NPAS3: variants seen among roughly 807,000 people sequenced by gnomAD.
NPAS3 encodes the protein neuronal PAS domain-containing protein 3.
Under a neutral mutation model 73.1 loss-of-function variants are expected in NPAS3, and 14 were observed. The observed-to-expected ratio is 0.19, with a 90% CI of 0.13 to 0.30. The LOEUF (loss-of-function observed/expected upper bound fraction) is 0.30. NPAS3 is among the 10% of genes least tolerant of loss of function. The pLI is 1.00. For synonymous variants in NPAS3, 620 were observed against 541.5 expected, an observed-to-expected ratio of 1.14 and a Z score of -2.01; for missense variants, 1,096 against 1,250.0, an observed-to-expected ratio of 0.88 and a Z score of 1.86.
chr14:33,431,058 A>G (rs1419065015), intron 4 of NPAS3, among the ~76,000 whole-genome samples: 1 of 152,222 alleles, frequency 6.6e-6, no homozygotes, highest in Admixed American at 6.5e-5. Context: ...GGCATTTAAA[A>G]TGCACGTGGG....
chr14:33,191,912 C>A (rs2046184293), intron 2 of NPAS3, among the ~76,000 whole-genome samples: 1 of 152,194 alleles, frequency 6.6e-6, no homozygotes. Flanking sequence ...GTCCCCAAAT[C>A]AAATCTTGAG....
chr14:33,786,280 C>T (rs2063171398), intron 9 of NPAS3, among the ~76,000 whole-genome samples: 1 of 152,178 alleles, frequency 6.6e-6, no homozygotes, highest in African/African-American at 2.4e-5. Context: ...TTCTAAAAAT[C>T]TACATAACAG....
intron 1 of NPAS3, among the ~76,000 whole-genome samples, chr14:32,981,439 A>G (rs2037893251): frequency 1.3e-5 from 2 of 152,222 alleles, no homozygotes; most frequent in African/African-American, 4.8e-5. Flanking sequence ...CTCTGGAGTA[A>G]AATATGGTAG....
At chr14:33,043,976 A>G (rs1288899865) in intron 1 of NPAS3, among the ~76,000 whole-genome samples, 1 of 152,208 alleles carries the variant, frequency 6.6e-6, no homozygotes, top group Admixed American at 6.5e-5. Flanking sequence ...ATCTGCAAAC[A>G]TGATATATTT....
chr14:33,503,522 A>G (rs978228952), intron 4 of NPAS3, among the ~76,000 whole-genome samples: 3 of 151,930 alleles, frequency 2.0e-5, no homozygotes, highest in Non-Finnish European at 4.4e-5. Flanking sequence ...TGTGCTTTAT[A>G]TAATCCAGTT....
intron 6 of NPAS3, among the ~76,000 whole-genome samples, chr14:33,691,941 A>G (rs2060247517): frequency 6.6e-6 from 1 of 152,210 alleles, no homozygotes. Flanking sequence ...TGCTGATAGG[A>G]AACAAATTCT....
At chr14:33,546,306 G>A (rs982591122) in intron 4 of NPAS3, among the ~76,000 whole-genome samples, 6 of 152,210 alleles carry the variant, frequency 3.9e-5, no homozygotes, top group African/African-American at 1.4e-4. Context: ...GGTGAGAAGA[G>A]TCCTAATATT....
chr14:33,390,204 GAT>G (rs1462917987), intron 4 of NPAS3, among the ~76,000 whole-genome samples: 1 of 152,144 alleles, frequency 6.6e-6, no homozygotes, highest in African/African-American at 2.4e-5. Flanking sequence ...TTTTTCATTT[GAT>G]ATGATTGTAT....
intron 2 of NPAS3, among the ~76,000 whole-genome samples, chr14:33,074,343 A>C (rs532177947): frequency 6.6e-6 from 1 of 152,356 alleles, no homozygotes; most frequent in East Asian, 1.9e-4. Context: ...TTGTTAGTGA[A>C]TGCTGCCTGT....
At chr14:33,278,099 T>G (rs186690625) in intron 3 of NPAS3, among the ~76,000 whole-genome samples, 63 of 152,262 alleles carry the variant, frequency 4.1e-4, no homozygotes, top group African/African-American at 1.4e-3. Flanking sequence ...GATGTGGATT[T>G]GAGAGACAAG....
intron 2 of NPAS3, among the ~76,000 whole-genome samples, chr14:33,056,384 C>CT (rs1448019412): frequency 6.6e-6 from 1 of 152,108 alleles, no homozygotes; most frequent in African/African-American, 2.4e-5. Context: ...TTAGCTGTCA[C>CT]TTTTTTTCAA....
Position 33,209,439 on chromosome 14 carries a change from G to T in NPAS3, c.141-5743G>T, listed in dbSNP as rs551505695. On this transcript the variant is annotated intron_variant, in intron 2 of 11. Transcript: ENST00000356141. Reference sequence around the variant, plus strand: ...TTTACTGTACTTTTTCCCTGGGAAGGCTCCTCATTCGGCTCATGTTAGGGC... The same window carrying T: ...TTTACTGTACTTTTTCCCTGGGAAGTCTCCTCATTCGGCTCATGTTAGGGC... Among the ~76,000 whole-genome samples, 3 of 152,272 alleles carry T rather than the reference G, an allele frequency of 2.0e-5. 1 individual carries two copies. The highest frequency in any genetic ancestry group is 4.1e-4 in the South Asian group (2 of 4,828).
In NPAS3 at chr14:33,510,176, A is replaced by G. The variant is rs185122121; in HGVS notation, c.469-49945A>G. Among the ~76,000 whole-genome samples, 105 of 152,174 alleles carry G rather than the reference A, an allele frequency of 6.9e-4. 1 individual carries two copies. Among genetic ancestry groups the G allele is most frequent in the South Asian group, 1.5e-3 (7 of 4,824 alleles). ...AAGCAGTTTGTTCTCTGCTAATGAC[A>G]GCTGTGGATACTGAAATGAAGCACA... is the stretch of plus-strand genomic sequence containing the variant. On this transcript the variant is annotated intron_variant, in intron 4 of 11. Coordinates refer to ENST00000356141, the Ensembl canonical transcript of NPAS3.
intron 1 of NPAS3, among the ~76,000 whole-genome samples, chr14:33,000,178 T>A (rs1222749643): frequency 6.6e-6 from 1 of 152,172 alleles, no homozygotes; most frequent in East Asian, 1.9e-4. Context: ...TTTTTATTTT[T>A]ATTTTTATTT....
intron 2 of NPAS3, among the ~76,000 whole-genome samples, chr14:33,186,925 A>G (rs1420877708): frequency 2.0e-5 from 3 of 152,178 alleles, no homozygotes; most frequent in Non-Finnish European, 4.4e-5. Context: ...GAAGCCTGGC[A>G]TGCTGCTAAA....
chr14:33,156,105 A>G (rs2044636988), intron 2 of NPAS3, among the ~76,000 whole-genome samples: 1 of 152,204 alleles, frequency 6.6e-6, no homozygotes, highest in Non-Finnish European at 1.5e-5. Context: ...TTTCAAAATG[A>G]AGGAAATCAG....
intron 2 of NPAS3, among the ~76,000 whole-genome samples, chr14:33,094,400 T>A (rs2042335101): frequency 6.6e-6 from 1 of 152,160 alleles, no homozygotes; most frequent in African/African-American, 2.4e-5. Context: ...AATTTTAATT[T>A]AAAATCTTTG....
intron 4 of NPAS3, among the ~76,000 whole-genome samples, chr14:33,457,590 G>C (rs994115872): frequency 1.4e-4 from 22 of 152,242 alleles, no homozygotes; most frequent in African/African-American, 5.3e-4. Context: ...GACCTTAATT[G>C]CTTCTATTTT....
At chr14:33,798,007 C>T (rs1566553311) in intron 11 of NPAS3, among the ~76,000 whole-genome samples, 1 of 152,010 alleles carries the variant, frequency 6.6e-6, no homozygotes. Context: ...ACTGGCCATA[C>T]AGAAGGAGCC....
Sources: allele counts gnomAD v4.1 joint callset (sites outside exome capture counted in the v4.1 genomes callset), GRCh38; gene constraint gnomAD v4.1.1; transcripts MANE v1.5; gene names NCBI Gene and HGNC (gene_info 2026-07-23, HGNC 2026-07-21).